The following PIK3R5 variants were observed in gnomAD, a reference collection of about 807,000 sequenced individuals.
PIK3R5 encodes the protein phosphoinositide 3-kinase regulatory subunit 5.
Under a neutral mutation model 94.9 loss-of-function variants are expected in PIK3R5, and 32 were observed. The ratio of observed to expected loss-of-function variants is 0.34; its 90% CI spans 0.25 to 0.45. The LOEUF is 0.45. Ranked by LOEUF, PIK3R5 falls within the 20% of genes least tolerant of loss-of-function variation. The probability of loss-of-function intolerance (pLI) is 1.00; values close to 1 mark genes in which losing one functional copy is unlikely to be tolerated. For synonymous variants in PIK3R5, 443 were observed against 479.4 expected (o/e 0.92, Z 0.99); for missense variants, 853 against 1,144.6 (o/e 0.75, Z 3.68).
intron 1 of PIK3R5, among the ~76,000 whole-genome samples, chr17:8,932,589 A>G (rs932569475): frequency 2.6e-5 from 4 of 152,166 alleles, no homozygotes; most frequent in Non-Finnish European, 5.9e-5. Flanking sequence ...AGGAAACACA[A>G]TCTCTGAAAA....
At chr17:8,957,790 GA>G (rs1395216601) in intron 1 of PIK3R5, among the ~76,000 whole-genome samples, 1 of 152,164 alleles carries the variant, frequency 6.6e-6, no homozygotes, top group Admixed American at 6.5e-5. Context: ...AGAGAGAAGA[GA>G]AGGAAGCTTG....
intron 1 of PIK3R5, chr17:8,916,458 G>A (rs1400713571): frequency 6.6e-6 from 1 of 151,982 alleles, no homozygotes; most frequent in Admixed American, 6.6e-5. Flanking sequence ...TAAAATTCCA[G>A]CTGCTGCCGG....
intron 14 of PIK3R5, among the ~76,000 whole-genome samples, chr17:8,885,541 C>A (rs1426367721): frequency 1.5e-5 from 2 of 136,400 alleles, no homozygotes; most frequent in African/African-American, 2.8e-5. Context: ...CCCTGCCTCC[C>A]GGTAACCCTG....
chr17:8,914,797 G>A (rs2090598869), intron 1 of PIK3R5, among the ~76,000 whole-genome samples: 1 of 152,280 alleles, frequency 6.6e-6, no homozygotes, highest in South Asian at 2.1e-4. Flanking sequence ...AGATTGGGGT[G>A]AGGGGTGGAA....
At chr17:8,919,842 T>TTC (rs1555550086) in intron 1 of PIK3R5, among the ~76,000 whole-genome samples, 45 of 150,512 alleles carry the variant, frequency 3.0e-4, no homozygotes, top group African/African-American at 9.0e-4. Context: ...TCTCCTCTCC[T>TTC]TCTCTCTCTC....
intron 1 of PIK3R5, among the ~76,000 whole-genome samples, chr17:8,926,368 C>T (rs2090884042): frequency 6.6e-6 from 1 of 151,964 alleles, no homozygotes; most frequent in Non-Finnish European, 1.5e-5. Flanking sequence ...TAAGGTTCTT[C>T]CAGTTTGAAA....
rs528067099 is a variant in PIK3R5, at chr17:8,926,500, C to T, written c.-13-14993G>A. On this transcript the variant is annotated intron_variant, in intron 1 of 18. Coordinates refer to ENST00000447110, the MANE Select transcript of PIK3R5 (RefSeq NM_001142633.3). ...GTTTAATTGGACTTACAGTTCCACA[C>T]GGCTAGGGAGGCCTCAGAATCATAG... Among the ~76,000 whole-genome samples, 46 of 152,314 alleles carry T rather than the reference C, an allele frequency of 3.0e-4. No homozygotes were observed. The East Asian group carries it at 5.4e-3, about 18-fold the overall frequency.
intron 5 of PIK3R5, among the ~76,000 whole-genome samples, chr17:8,902,072 G>T (rs375086844): frequency 1.3e-4 from 20 of 151,544 alleles, no homozygotes; most frequent in South Asian, 8.4e-4. Context: ...AATTTGATAG[G>T]GGGGGAAGAA....
In PIK3R5 at chr17:8,909,763, T is replaced by A. The variant is rs2034003038; in HGVS notation, c.104-589A>T. ...TAGAGGACAATGAGCTCACTATGAC[T>A]CCGCTCCCTGTGGAAGCACCAGTTC... On this transcript the variant is annotated intron_variant, in intron 2 of 18. Transcript: ENST00000447110. The surrounding 1 kb of genome is among the most constrained non-coding windows in gnomAD (Gnocchi z 4.3). Among the ~76,000 whole-genome samples the A allele has an allele frequency of 1.3e-5, 2 of 152,206 alleles. No individual in the cohort carries two copies.
chr17:8,954,147 G>A (rs2091427202), intron 1 of PIK3R5, among the ~76,000 whole-genome samples: 1 of 152,242 alleles, frequency 6.6e-6, no homozygotes, highest in Admixed American at 6.5e-5. Context: ...CGGCTTGGGA[G>A]TGAGAAAAGG....
At chr17:8,930,935 T>C (rs1453450206) in intron 1 of PIK3R5, among the ~76,000 whole-genome samples, 3 of 152,230 alleles carry the variant, frequency 2.0e-5, no homozygotes, top group African/African-American at 7.2e-5. Flanking sequence ...CTCGTGGTGA[T>C]AGCAATATTC....
rs1217693239 is a variant in PIK3R5 at position 8,896,948 on chromosome 17, C to T, written c.413-3293G>A. 1.3e-5 allele frequency among the ~76,000 whole-genome samples: 2 copies of T among 152,230 alleles called. No individual in the cohort carries two copies. The highest frequency in any genetic ancestry group is 1.5e-5 in the Non-Finnish European group (1 of 68,036). ...GACTAGATCAGGTTTGGTTCTCCAG[C>T]AACTATGATTAATATCAACTCATGG... On this transcript the variant is annotated intron_variant, in intron 5 of 18. Coordinates refer to ENST00000447110, the MANE Select transcript of PIK3R5 (RefSeq NM_001142633.3). The surrounding 1 kb of genome is among the most constrained non-coding windows in gnomAD (Gnocchi z 4.0).
intron 1 of PIK3R5, among the ~76,000 whole-genome samples, chr17:8,931,348 G>T (rs1462001800): frequency 2.6e-5 from 4 of 152,220 alleles, no homozygotes; most frequent in Non-Finnish European, 4.4e-5. Context: ...GGGATAATTG[G>T]CACTGGACTA....
At chr17:8,964,084 A>G (rs1353549805) in intron 1 of PIK3R5, among the ~76,000 whole-genome samples, 6 of 152,066 alleles carry the variant, frequency 3.9e-5, no homozygotes, top group Admixed American at 3.9e-4. Flanking sequence ...CTCATCATAC[A>G]TGCCTCACTT....
At chr17:8,900,361 T>A (rs1055537211) in intron 5 of PIK3R5, among the ~76,000 whole-genome samples, 1 of 152,222 alleles carries the variant, frequency 6.6e-6, no homozygotes, top group Non-Finnish European at 1.5e-5. Context: ...TCCTCATTAA[T>A]GAGCGGGCAC....
At chr17:8,956,721 A>G (rs1032279624) in intron 1 of PIK3R5, among the ~76,000 whole-genome samples, 3 of 152,232 alleles carry the variant, frequency 2.0e-5, no homozygotes, top group Non-Finnish European at 4.4e-5. Context: ...GCAAAGACCT[A>G]TGAAACATTG....
Position 8,890,236 on chromosome 17 carries a change from C to A in PIK3R5, c.658-110G>T. Reference sequence around the variant, plus strand: ...GAGGCAGTGATCTGTCCCCTCCCAGCCTCATCACCCATCTCCTACCCACAG... The same window carrying A: ...GAGGCAGTGATCTGTCCCCTCCCAGACTCATCACCCATCTCCTACCCACAG... On this transcript the variant is annotated intron_variant, in intron 7 of 18. Transcript: ENST00000447110. This position sits in a 1 kb window ranked among gnomAD's most constrained non-coding sequence, Gnocchi z 6.1. 8.9e-7 allele frequency: 1 copy of A among 1,126,422 alleles called. No individual in the cohort carries two copies. The highest frequency in any genetic ancestry group is 1.4e-5 in the South Asian group (1 of 70,920). The allele number at this position is 1,126,422 out of a possible 1,614,324, so 69.8% of individuals were successfully genotyped here.
intron 5 of PIK3R5, among the ~76,000 whole-genome samples, chr17:8,901,786 A>G (rs557796945): frequency 4.7e-4 from 71 of 152,342 alleles, no homozygotes; most frequent in African/African-American, 1.6e-3. Context: ...ATCATTTTTA[A>G]TAATTGAATA....
Position 8,888,799 on chromosome 17 carries a change from C to A in PIK3R5, c.988G>T (p.Val330Leu). ...CCGTCAGTTTCCAAGTCCTCCTCCA[C>A]CTCCTCCTCCTCCTCTTCCTCCTCT... ...DEEEEEEEEE[V>L]EEDLETDGHC... The change falls in exon 10 of 19, where the codon GTG becomes TTG. Residue 330 changes from valine (V) to leucine (L), a missense_variant. This residue lies in a region of PIK3R5 where 161 missense variants were observed against 249.5 expected (regional missense o/e 0.65). Transcript: ENST00000447110. The surrounding 1 kb of genome is among the most constrained non-coding windows in gnomAD (Gnocchi z 7.8). 6.5e-7 allele frequency: 1 copy of A among 1,527,400 alleles called. No homozygotes were observed. The highest frequency in any genetic ancestry group is 1.4e-5 in the African/African-American group (1 of 73,084). 94.6% of individuals were successfully genotyped at this position (1,527,400 alleles called of 1,614,324 possible).
Sources: allele counts gnomAD v4.1 joint callset (sites outside exome capture counted in the v4.1 genomes callset), GRCh38; gene constraint gnomAD v4.1.1; regional missense constraint gnomAD v4.1.1; non-coding constraint Gnocchi (gnomAD v3.1); transcripts MANE v1.5; gene names NCBI Gene and HGNC (gene_info 2026-07-23, HGNC 2026-07-21).